ABCB10: variants seen among roughly 807,000 people sequenced by gnomAD.
The protein encoded by ABCB10 is ATP binding cassette subfamily B member 10.
ABCB10 carries 54 observed loss-of-function variants against 65.4 expected under a neutral mutation model. That is an observed-to-expected ratio of 0.83 (90% CI 0.66 to 1.04). The LOEUF is 1.04. Among genes scored for constraint, ABCB10 ranks in the 50% least tolerant of loss-of-function variants. The probability of loss-of-function intolerance (pLI) is 0.00; values close to 1 mark genes in which losing one functional copy is unlikely to be tolerated. For synonymous variants in ABCB10, 418 were observed against 406.5 expected (o/e 1.03, Z -0.34); for missense variants, 846 against 976.6 (o/e 0.87, Z 1.78).
chr1:229,545,482 T>G (rs981327278), intron 3 of ABCB10, among the ~76,000 whole-genome samples: 1 of 152,200 alleles, frequency 6.6e-6, no homozygotes, highest in Non-Finnish European at 1.5e-5. Context: ...ACTGGAAACT[T>G]GAAATGTGGC....
In ABCB10 at chr1:229,525,442, T is replaced by A. The variant is rs6674757; in HGVS notation, c.1906+494A>T. Among the ~76,000 whole-genome samples the A allele has an allele frequency of 5.4e-3, 819 of 152,154 alleles. 5 individuals carry two copies. The highest frequency in any genetic ancestry group is 0.019 in the African/African-American group (771 of 41,492). On this transcript the variant is annotated intron_variant, in intron 10 of 12. Coordinates refer to ENST00000344517, the MANE Select transcript of ABCB10 (RefSeq NM_012089.3). ...TTTGGAACACATATGGGGTAGAAAG[T>A]GAAAGAAAACACTGGGGAATTTTCC...
At chr1:229,545,808 C>G (rs1220123879) in intron 3 of ABCB10, among the ~76,000 whole-genome samples, 1 of 152,146 alleles carries the variant, frequency 6.6e-6, no homozygotes, top group Admixed American at 6.5e-5. Flanking sequence ...TCTCTGCCAC[C>G]CCTGAGACAG....
chr1:229,525,960 C>A lies in ABCB10; in HGVS notation c.1882G>T (p.Gly628Ter). 14 of 1,613,774 alleles carry A rather than the reference C, an allele frequency of 8.7e-6. No homozygotes were observed. The highest frequency in any genetic ancestry group is 1.0e-5 in the Non-Finnish European group (12 of 1,179,888). ...NFPQGFNTVV[G>*]EKGVLLSGGQ... ...CCTGAGAGGAGAACACCCTTTTCTC[C>A]AACCACAGTGTTGAACCCTTGGGGG... The change falls in exon 10 of 13, where the codon GGA becomes TGA. Residue 628 changes from glycine to a stop codon, truncating the protein, a stop_gained. Coordinates refer to ENST00000344517, the MANE Select transcript of ABCB10 (RefSeq NM_012089.3). LOFTEE classifies it high-confidence loss of function.
intron 1 of ABCB10, among the ~76,000 whole-genome samples, chr1:229,553,704 T>A (rs1037828152): frequency 2.0e-5 from 3 of 151,234 alleles, no homozygotes; most frequent in African/African-American, 7.3e-5. Context: ...TTGGTCAGCA[T>A]TGGGTCGGAA....
In ABCB10 at chr1:229,547,494, C is replaced by T; in HGVS notation, c.921+5G>A. 3.1e-6 allele frequency: 5 copies of T among 1,612,270 alleles called. No homozygotes were observed. The highest frequency in any genetic ancestry group is 3.4e-6 in the Non-Finnish European group (4 of 1,179,848). On this transcript the variant is annotated splice_donor_5th_base_variant and intron_variant, in intron 3 of 12. Coordinates refer to ENST00000344517, the MANE Select transcript of ABCB10 (RefSeq NM_012089.3). Reference sequence around the variant, plus strand: ...AAGGTACCAAGGGGAACCAGGCCCACATACCATCATACTGATGCCTACGGA... The same window carrying T: ...AAGGTACCAAGGGGAACCAGGCCCATATACCATCATACTGATGCCTACGGA...
chr1:229,529,883 G>A (rs545648963), intron 8 of ABCB10, among the ~76,000 whole-genome samples: 6 of 152,092 alleles, frequency 3.9e-5, no homozygotes, highest in African/African-American at 7.2e-5. Flanking sequence ...GCACAGCCTC[G>A]TCCACCTGCT....
intron 6 of ABCB10, among the ~76,000 whole-genome samples, chr1:229,534,749 T>C (rs2102693238): frequency 1.3e-5 from 2 of 151,428 alleles, no homozygotes; most frequent in South Asian, 4.2e-4. Flanking sequence ...CACGCACCCG[T>C]AGTCCCAGCT....
At chr1:229,555,987 A>AG (rs1258477603) in intron 1 of ABCB10, among the ~76,000 whole-genome samples, 5 of 151,950 alleles carry the variant, frequency 3.3e-5, no homozygotes, top group Non-Finnish European at 7.4e-5. Flanking sequence ...AGCAAAAAAA[A>AG]AAAAAAAAAT....
intron 7 of ABCB10, among the ~76,000 whole-genome samples, chr1:229,530,827 T>C (rs931557070): frequency 6.6e-6 from 1 of 150,888 alleles, no homozygotes. Context: ...TTATCTTACC[T>C]ACCCGGAATA....
At chr1:229,522,323 C>T (rs1460073946) in intron 10 of ABCB10, among the ~76,000 whole-genome samples, 1 of 152,118 alleles carries the variant, frequency 6.6e-6, no homozygotes. Flanking sequence ...CCTCCTGCCT[C>T]AGCCTCCTGA....
chr1:229,538,119 T>A (rs1662763190), intron 6 of ABCB10, among the ~76,000 whole-genome samples: 2 of 152,158 alleles, frequency 1.3e-5, no homozygotes, highest in African/African-American at 4.8e-5. Context: ...TAGCAGCACC[T>A]CCCATAACCA....
chr1:229,555,752 T>C (rs1663235008), intron 1 of ABCB10, among the ~76,000 whole-genome samples: 1 of 152,224 alleles, frequency 6.6e-6, no homozygotes, highest in African/African-American at 2.4e-5. Flanking sequence ...CAATTGCTCT[T>C]TACCTCCAGC....
chr1:229,537,102 T>C (rs916576015), intron 6 of ABCB10, among the ~76,000 whole-genome samples: 7 of 152,180 alleles, frequency 4.6e-5, no homozygotes, highest in Non-Finnish European at 8.8e-5. Flanking sequence ...GGTAAATACA[T>C]AGAGACAGAA....
chr1:229,540,167 G>A (rs952721247), intron 5 of ABCB10, among the ~76,000 whole-genome samples: 1 of 152,212 alleles, frequency 6.6e-6, no homozygotes, highest in Non-Finnish European at 1.5e-5. Flanking sequence ...CTATTTGAGT[G>A]CATTGTGATT....
chr1:229,532,238 A>G (rs58642350), intron 6 of ABCB10, among the ~76,000 whole-genome samples: 4,610 of 152,290 alleles, frequency 0.03, 204 homozygotes, highest in African/African-American at 0.095. Context: ...GGCATGGGCC[A>G]CTGCACCTGG....
rs762229476 is a variant in ABCB10 at position 229,549,319 on chromosome 1, C to A, written c.633G>T (p.Leu211=). 3 of 1,614,010 alleles carry A rather than the reference C, an allele frequency of 1.9e-6. No individual in the cohort carries two copies. The South Asian group carries it at 3.3e-5, about 18-fold the overall frequency. Residue 211 remains leucine (L), a synonymous_variant, in exon 2 of 13, where the codon CTG becomes CTT. Coordinates refer to ENST00000344517, the MANE Select transcript of ABCB10 (RefSeq NM_012089.3). ...TNPTVDYSDN[L]TRLCLGLSAV... The stretch of plus-strand genomic sequence containing the variant: ...CACTGAGCCCTAGGCAGAGGCGGGT[C>A]AGGTTGTCGCTGTAGTCCACAGTGG...
At chr1:229,533,313 G>A (rs531254080) in intron 6 of ABCB10, among the ~76,000 whole-genome samples, 1 of 151,712 alleles carries the variant, frequency 6.6e-6, no homozygotes, top group South Asian at 2.1e-4. Flanking sequence ...TAGTAGAGAT[G>A]GGGTTTCACC....
At chr1:229,553,123 C>T (rs1019368487) in intron 1 of ABCB10, among the ~76,000 whole-genome samples, 2 of 146,500 alleles carry the variant, frequency 1.4e-5, no homozygotes, top group Non-Finnish European at 3.0e-5. Context: ...GCCAGATTTG[C>T]TTTTTTTTTT....
rs1248064087 is a variant in ABCB10 at position 229,516,882 on chromosome 1, A to G, written c.*1297T>C. ...TTTATTCATTAATTATGAACAATAA[A>G]ATATAATATTCCATGCTTTTCATGA... On this transcript the variant is annotated 3_prime_UTR_variant, in exon 13 of 13. Transcript: ENST00000344517. 1 of 152,230 alleles carries G rather than the reference A, an allele frequency of 6.6e-6. No homozygotes were observed. Among genetic ancestry groups the G allele is most frequent in the East Asian group, 1.9e-4 (1 of 5,204 alleles). The allele number at this position is 152,230 out of a possible 1,614,324, so 9.4% of individuals were successfully genotyped here.
Sources: gnomAD v4.1 joint callset for allele counts (sites outside exome capture counted in the v4.1 genomes callset) on GRCh38, gnomAD v4.1.1 for gene constraint, MANE v1.5 for transcripts, NCBI Gene and HGNC (gene_info 2026-07-23, HGNC 2026-07-21) for gene names.